Variants in PDE5A observed in about 807,000 individuals in gnomAD.
PDE5A encodes the protein cGMP-specific 3',5'-cyclic phosphodiesterase.
A neutral mutation model predicts 110.2 loss-of-function variants in PDE5A; 67 were observed. That is an observed-to-expected ratio of 0.61 (90% confidence interval 0.50 to 0.75). PDE5A has a LOEUF of 0.75. Among genes scored for constraint, PDE5A ranks in the 30% least tolerant of loss-of-function variants. The probability of loss-of-function intolerance (pLI) is 0.00; values close to 1 mark genes in which losing one functional copy is unlikely to be tolerated. For synonymous variants in PDE5A, 328 were observed against 351.2 expected (o/e 0.93, Z 0.74); for missense variants, 862 against 1,045.1 (o/e 0.82, Z 2.42).
Position 119,525,497 on chromosome 4 carries a change from T to TACAC in PDE5A, c.1779+48_1779+51dup, listed in dbSNP as rs141680876. On this transcript the variant is annotated intron_variant, in intron 12 of 20. Coordinates refer to ENST00000354960, the MANE Select transcript of PDE5A (RefSeq NM_001083.4). This position sits in a 1 kb window ranked among gnomAD's most constrained non-coding sequence, Gnocchi z 4.3. ...TTCAAAACCAATTCTCTCTCTTACA[T>TACAC]ACACACACACATACACATAGACTTT... is the stretch of plus-strand genomic sequence containing the variant. 8 of 1,527,516 alleles carry TACAC rather than the reference T, an allele frequency of 5.2e-6. No individual in the cohort carries two copies. Among genetic ancestry groups the TACAC allele is most frequent in the Non-Finnish European group, 7.1e-6 (8 of 1,121,966 alleles). The allele number at this position is 1,527,516 out of a possible 1,614,324, so 94.6% of individuals were successfully genotyped here.
intron 3 of PDE5A, among the ~76,000 whole-genome samples, chr4:119,592,199 T>C (rs1370309833): frequency 1.4e-5 from 2 of 143,164 alleles, no homozygotes; most frequent in African/African-American, 5.2e-5. Context: ...CTCATGCCTG[T>C]AATCCCAGCA....
intron 4 of PDE5A, 45 bp downstream of exon 4, chr4:119,567,028 A>T (rs771221305): frequency 3.7e-6 from 5 of 1,339,952 alleles, no homozygotes; most frequent in Non-Finnish European, 5.4e-6. Context: ...TATAAAGAGA[A>T]AGCATCTTCC....
At chr4:119,519,186 G>C in intron 13 of PDE5A, 47 bp from the exon 14 acceptor site, 5 of 1,345,138 alleles carry the variant, frequency 3.7e-6, no homozygotes, top group Non-Finnish European at 5.3e-6. Context: ...AATATAATGT[G>C]GTGAAGGACA....
chr4:119,539,094 ATTC>A, intron 10 of PDE5A, 75 bp from the exon 11 acceptor site: 1 of 1,099,920 alleles, frequency 9.1e-7, no homozygotes, highest in Non-Finnish European at 1.4e-6. Context: ...CAAGCTTGGA[ATTC>A]TGCTAAGTCT....
chr4:119,526,588 A>G (rs1726327207), intron 11 of PDE5A, among the ~76,000 whole-genome samples: 1 of 152,136 alleles, frequency 6.6e-6, no homozygotes, highest in Non-Finnish European at 1.5e-5. Flanking sequence ...AAGTAGAGGG[A>G]AGAAAAATTA....
intron 20 of PDE5A, chr4:119,500,880 C>T (rs943911292): frequency 3.3e-5 from 8 of 245,640 alleles, no homozygotes; most frequent in Middle Eastern, 1.2e-3. Flanking sequence ...AATATGCTAA[C>T]GCATAGTATA....
Position 119,498,422 on chromosome 4 carries a change from T to C in PDE5A, c.*179A>G. On this transcript the variant is annotated 3_prime_UTR_variant, in exon 21 of 21. Transcript: ENST00000354960. ...TAGCATAAAACAAATATACAAAAAA[T>C]ATGTAATAGTCCTCTAAAAACATTC... The C allele has an allele frequency of 3.3e-6, 2 of 598,592 alleles. No individual in the cohort carries two copies. Among genetic ancestry groups the C allele is most frequent in the Non-Finnish European group, 5.7e-6 (2 of 347,968 alleles). The allele number at this position is 598,592 out of a possible 1,614,324, so 37.1% of individuals were successfully genotyped here.
At chr4:119,617,965 G>T (rs999577269) in intron 1 of PDE5A, among the ~76,000 whole-genome samples, 2 of 152,066 alleles carry the variant, frequency 1.3e-5, no homozygotes, top group Non-Finnish European at 2.9e-5. Context: ...GAAAGAGGCC[G>T]TAGAAGAAAA....
chr4:119,568,457 A>T (rs1418272323), intron 3 of PDE5A, among the ~76,000 whole-genome samples: 2 of 152,214 alleles, frequency 1.3e-5, no homozygotes, highest in African/African-American at 4.8e-5. Context: ...TCAGGTATTC[A>T]TTCATCCACT....
At chr4:119,582,251 A>G (rs1728611924) in intron 3 of PDE5A, among the ~76,000 whole-genome samples, 1 of 152,242 alleles carries the variant, frequency 6.6e-6, no homozygotes, top group Admixed American at 6.5e-5. Context: ...CACAGCATTT[A>G]CAGCAGGGAT....
rs200243160 is a variant in PDE5A at position 119,525,713 on chromosome 4, G to A, written c.1633-18C>T. ...ACAGCAGCCTTGGGTAAGGAAAGAAGAAAAAAAAAAATGCTGTTAATTAAA... is the reference window on the plus strand; with the variant it reads ...ACAGCAGCCTTGGGTAAGGAAAGAAAAAAAAAAAAAATGCTGTTAATTAAA... On this transcript the variant is annotated intron_variant, in intron 11 of 20. Transcript: ENST00000354960. The surrounding 1 kb of genome is among the most constrained non-coding windows in gnomAD (Gnocchi z 4.3). 296 of 1,418,780 alleles carry A rather than the reference G, an allele frequency of 2.1e-4. No homozygotes were observed. The Admixed American group carries it at 2.8e-3, about 13-fold the overall frequency. The allele number at this position is 1,418,780 out of a possible 1,614,324, so 87.9% of individuals were successfully genotyped here.
At position 119,525,632 on chromosome 4, in the gene PDE5A, G is replaced by A. The variant is rs756675086; in HGVS notation, c.1696C>T (p.Leu566=). The change falls in exon 12 of 21, where the codon CTG becomes TTG. Residue 566 remains leucine (L), a synonymous_variant. Transcript: ENST00000354960. This position sits in a 1 kb window ranked among gnomAD's most constrained non-coding sequence, Gnocchi z 4.3. ...ITDFSFSDFE[L]SDLETALCTI... Reference sequence around the variant, plus strand: ...CACAGTGCTGTTTCCAGATCAGACAGCTCAAAGTCACTGAAGCTAAAGTCA... The same window carrying A: ...CACAGTGCTGTTTCCAGATCAGACAACTCAAAGTCACTGAAGCTAAAGTCA... 9.9e-6 allele frequency: 16 copies of A among 1,613,156 alleles called. No individual in the cohort carries two copies. Among genetic ancestry groups the A allele is most frequent in the Non-Finnish European group, 1.7e-6 (2 of 1,179,410 alleles).
chr4:119,569,571 C>T (rs11098532), intron 3 of PDE5A: 1 of 151,470 alleles, frequency 6.6e-6, no homozygotes, highest in South Asian at 2.1e-4. Flanking sequence ...TCCTTTGTAT[C>T]CAACTGTGAT....
At chr4:119,590,560 A>C (rs1290752492) in intron 3 of PDE5A, among the ~76,000 whole-genome samples, 1 of 152,190 alleles carries the variant, frequency 6.6e-6, no homozygotes, top group African/African-American at 2.4e-5. Flanking sequence ...GATTGCAAAA[A>C]CTTAACCTCT....
At chr4:119,529,096 T>G (rs766038022) in intron 11 of PDE5A, among the ~76,000 whole-genome samples, 1 of 151,816 alleles carries the variant, frequency 6.6e-6, no homozygotes, top group African/African-American at 2.4e-5. Flanking sequence ...TTTTAAAAAC[T>G]GACTTTTCTG....
intron 5 of PDE5A, among the ~76,000 whole-genome samples, chr4:119,564,941 G>A (rs1727872599): frequency 6.6e-6 from 1 of 152,110 alleles, no homozygotes; most frequent in Non-Finnish European, 1.5e-5. Flanking sequence ...TAAGACACCT[G>A]TCTTACAAAG....
chr4:119,577,644 T>C (rs1374429189), intron 3 of PDE5A, among the ~76,000 whole-genome samples: 1 of 152,208 alleles, frequency 6.6e-6, no homozygotes, highest in Non-Finnish European at 1.5e-5. Context: ...CAACCCTTCA[T>C]GCTAAAAACT....
chr4:119,559,321 ATCAAAAGCC>A (rs1043832557), intron 7 of PDE5A, among the ~76,000 whole-genome samples: 1 of 152,202 alleles, frequency 6.6e-6, no homozygotes, highest in Non-Finnish European at 1.5e-5. Context: ...TAAGAAAAAA[ATCAAAAGCC>A]AATACCTAAA....
chr4:119,532,261 T>C (rs3775851), intron 11 of PDE5A, among the ~76,000 whole-genome samples: 23,772 of 152,084 alleles, frequency 0.16, 1,968 homozygotes, highest in Middle Eastern at 0.2. Context: ...ACAGCTATTA[T>C]TATTATCACC....
Sources: gnomAD v4.1 joint callset for allele counts (sites outside exome capture counted in the v4.1 genomes callset) on GRCh38, gnomAD v4.1.1 for gene constraint, Gnocchi (gnomAD v3.1) non-coding constraint, MANE v1.5 for transcripts, NCBI Gene and HGNC (gene_info 2026-07-23, HGNC 2026-07-21) for gene names.